Variants in LRP1B observed in about 807,000 individuals in gnomAD.
LRP1B encodes LDL receptor related protein 1B.
In LRP1B, 217 loss-of-function variants were observed where a neutral mutation model predicts 556.6. That is an observed-to-expected ratio of 0.39 (90% CI 0.35 to 0.44). LRP1B has a LOEUF of 0.44. Ranked by LOEUF, LRP1B falls within the 20% of genes least tolerant of loss-of-function variation. LRP1B has a pLI of 1.00. For synonymous variants in LRP1B, 2,047 were observed against 1,865.8 expected (o/e 1.10, Z -2.50); for missense variants, 5,053 against 5,620.8 (o/e 0.90, Z 3.23).
chr2:141,242,394 C>T (rs1352195940), intron 5 of LRP1B, among the ~76,000 whole-genome samples: 2 of 152,068 alleles, frequency 1.3e-5, no homozygotes, highest in African/African-American at 4.8e-5. Flanking sequence ...CTCTCTCTCT[C>T]TTTTCAAGAA....
intron 67 of LRP1B, among the ~76,000 whole-genome samples, chr2:140,378,807 A>G (rs1439205513): frequency 3.3e-5 from 5 of 152,222 alleles, no homozygotes; most frequent in Non-Finnish European, 7.3e-5. Context: ...GAACAAGAAC[A>G]GTATATAGGG....
chr2:141,666,417 G>A lies in LRP1B; in HGVS notation c.205+143862C>T, dbSNP rs556811234. Among the ~76,000 whole-genome samples the A allele has an allele frequency of 6.6e-5, 10 of 152,226 alleles. No homozygotes were observed. In the East Asian group the frequency reaches 1.9e-3, roughly 29 times the overall value. On this transcript the variant is annotated intron_variant, in intron 2 of 90. Transcript: ENST00000389484. ...TTTGTTTGTTTAAGAGACAGGTCTG[G>A]TTATGTTGCCAGGCTGGACTCAAAC...
chr2:141,448,060 T>G (rs1410504753), intron 3 of LRP1B, among the ~76,000 whole-genome samples: 1 of 152,170 alleles, frequency 6.6e-6, no homozygotes, highest in Non-Finnish European at 1.5e-5. Flanking sequence ...GATGGGAGTT[T>G]TATCTATAAG....
chr2:141,349,287 T>G (rs528882641), intron 3 of LRP1B, among the ~76,000 whole-genome samples: 1 of 152,196 alleles, frequency 6.6e-6, no homozygotes, highest in Admixed American at 6.5e-5. Flanking sequence ...GTGTGAAACA[T>G]GAACACACAC....
At chr2:140,331,160 C>A (rs555858093) in intron 79 of LRP1B, among the ~76,000 whole-genome samples, 25 of 152,136 alleles carry the variant, frequency 1.6e-4, no homozygotes, top group Non-Finnish European at 2.9e-4. Context: ...AGCAAAGACA[C>A]GGAATCAACC....
chr2:141,678,571 A>C (rs1444055923), intron 2 of LRP1B, among the ~76,000 whole-genome samples: 1 of 152,168 alleles, frequency 6.6e-6, no homozygotes, highest in Non-Finnish European at 1.5e-5. Flanking sequence ...AAGAAATGGG[A>C]GAGAAAGTAT....
intron 41 of LRP1B, among the ~76,000 whole-genome samples, chr2:140,673,211 C>A (rs1011620438): frequency 7.9e-5 from 12 of 152,124 alleles, no homozygotes; most frequent in African/African-American, 2.9e-4. Context: ...AAGTTAAATA[C>A]CAAAGTTCAT....
chr2:140,587,097 A>G (rs985510703), intron 43 of LRP1B, among the ~76,000 whole-genome samples: 4 of 152,174 alleles, frequency 2.6e-5, no homozygotes, highest in African/African-American at 9.6e-5. Flanking sequence ...TCAACAGCAG[A>G]ATGGAGGAAA....
intron 2 of LRP1B, among the ~76,000 whole-genome samples, chr2:141,504,605 T>C (rs866220151): frequency 3.9e-5 from 6 of 152,074 alleles, no homozygotes; most frequent in Admixed American, 2.0e-4. Flanking sequence ...AGATGGAAGA[T>C]AGCAAGAAAT....
intron 43 of LRP1B, among the ~76,000 whole-genome samples, chr2:140,556,748 AT>A (rs1292676437): frequency 1.8e-4 from 28 of 151,694 alleles, no homozygotes; most frequent in African/African-American, 6.3e-4. Flanking sequence ...AAAAAAAACA[AT>A]TTTTTTTCAG....
chr2:140,905,210 C>T (rs1694215070), intron 22 of LRP1B, among the ~76,000 whole-genome samples: 1 of 151,988 alleles, frequency 6.6e-6, no homozygotes, highest in Non-Finnish European at 1.5e-5. Flanking sequence ...TCCTGCTGCC[C>T]TCACCTCCAC....
intron 43 of LRP1B, among the ~76,000 whole-genome samples, chr2:140,551,673 CAA>C (rs1055723466): frequency 5.2e-4 from 79 of 152,126 alleles, no homozygotes; most frequent in African/African-American, 1.9e-3. Context: ...AGATAAGAAC[CAA>C]AAGAGTTTCA....
At chr2:141,035,010 T>C (rs536285373) in intron 11 of LRP1B, among the ~76,000 whole-genome samples, 19 of 152,120 alleles carry the variant, frequency 1.2e-4, no homozygotes, top group Admixed American at 9.8e-4. Flanking sequence ...ATATATGCCA[T>C]GGAATACTAT....
intron 41 of LRP1B, among the ~76,000 whole-genome samples, chr2:140,674,725 C>T (rs899090420): frequency 6.6e-6 from 1 of 152,146 alleles, no homozygotes; most frequent in East Asian, 1.9e-4. Flanking sequence ...TGAGACTGTG[C>T]CTCTGACCAT....
chr2:141,994,133 C>T (rs1397869614), intron 1 of LRP1B, among the ~76,000 whole-genome samples: 3 of 152,126 alleles, frequency 2.0e-5, no homozygotes, highest in Non-Finnish European at 4.4e-5. Flanking sequence ...GAGCAACATG[C>T]TTGAATGTGC....
chr2:140,334,034 C>A (rs1415005298), intron 79 of LRP1B, among the ~76,000 whole-genome samples: 1 of 151,450 alleles, frequency 6.6e-6, no homozygotes, highest in Non-Finnish European at 1.5e-5. Flanking sequence ...AAAAAAAACA[C>A]CAAACCTGTC....
At chr2:141,342,610 A>G (rs541893789) in intron 3 of LRP1B, among the ~76,000 whole-genome samples, 2 of 152,118 alleles carry the variant, frequency 1.3e-5, no homozygotes, top group African/African-American at 4.8e-5. Flanking sequence ...AGCAAGCAGA[A>G]GAAAGGATAT....
intron 3 of LRP1B, among the ~76,000 whole-genome samples, chr2:141,455,118 T>C (rs1681581067): frequency 6.6e-6 from 1 of 152,146 alleles, no homozygotes; most frequent in Non-Finnish European, 1.5e-5. Context: ...CTGTCTCTTA[T>C]TTTAGGGGAG....
intron 68 of LRP1B, among the ~76,000 whole-genome samples, chr2:140,375,499 A>T (rs562600362): frequency 6.6e-6 from 1 of 152,272 alleles, no homozygotes. Flanking sequence ...AGATGTAGAA[A>T]TCATATATTT....
Sources: gnomAD v4.1 joint callset for allele counts (sites outside exome capture counted in the v4.1 genomes callset) on GRCh38, gnomAD v4.1.1 for gene constraint, MANE v1.5 for transcripts, NCBI Gene and HGNC (gene_info 2026-07-23, HGNC 2026-07-21) for gene names.